PCDHA2: variants seen among roughly 807,000 people sequenced by gnomAD.
The protein encoded by PCDHA2 is protocadherin alpha-2.
A neutral mutation model predicts 66.0 loss-of-function variants in PCDHA2; 58 were observed. The observed-to-expected ratio is 0.88, with a 90% confidence interval of 0.71 to 1.09. PCDHA2 has a LOEUF of 1.09. PCDHA2 is among the 50% of genes least tolerant of loss of function. The probability of loss-of-function intolerance (pLI) is 0.00; values close to 1 mark genes in which losing one functional copy is unlikely to be tolerated. For synonymous variants in PCDHA2, 634 were observed against 554.0 expected (o/e 1.14, Z -2.03); for missense variants, 1,267 against 1,242.3 (o/e 1.02, Z -0.30).
At chr5:140,860,617 A>G (rs2046479685) in intron 1 of PCDHA2, 1 of 152,238 alleles carries the variant, frequency 6.6e-6, no homozygotes, top group Non-Finnish European at 1.5e-5. Context: ...GAGAAACATA[A>G]ACATATGCAG....
chr5:140,980,044 T>G (rs1249451662), intron 2 of PCDHA2, among the ~76,000 whole-genome samples: 11 of 152,258 alleles, frequency 7.2e-5, no homozygotes, highest in Non-Finnish European at 1.5e-4. Flanking sequence ...GGGTGCTATT[T>G]CTGATTCAGA....
intron 1 of PCDHA2, among the ~76,000 whole-genome samples, chr5:140,893,950 T>A (rs1244558882): frequency 6.6e-6 from 1 of 152,206 alleles, no homozygotes; most frequent in Non-Finnish European, 1.5e-5. Flanking sequence ...TCTGCATGAC[T>A]TTATTAGTCA....
chr5:140,870,919 C>T (rs1562653740), intron 1 of PCDHA2: 1 of 1,613,952 alleles, frequency 6.2e-7, no homozygotes, highest in Non-Finnish European at 8.5e-7. Context: ...CAACGCGTGG[C>T]TTTCATATGA....
intron 1 of PCDHA2, among the ~76,000 whole-genome samples, chr5:140,920,858 A>G (rs1182817298): frequency 6.6e-6 from 1 of 151,604 alleles, no homozygotes; most frequent in Non-Finnish European, 1.5e-5. Flanking sequence ...AAAAAAAAAA[A>G]CAAACAAACT....
At chr5:140,922,016 AT>A (rs1213488839) in intron 1 of PCDHA2, among the ~76,000 whole-genome samples, 20 of 152,076 alleles carry the variant, frequency 1.3e-4, no homozygotes, top group Admixed American at 1.2e-3. Flanking sequence ...GTTTAAAAAA[AT>A]AAATATAAAA....
chr5:140,830,188 C>T, intron 1 of PCDHA2: 1 of 1,613,672 alleles, frequency 6.2e-7, no homozygotes, highest in South Asian at 1.1e-5. Flanking sequence ...TCAACGTGTA[C>T]CTGATCATCG....
At position 140,842,935 on chromosome 5, in the gene PCDHA2, C is replaced by T. The variant is rs1329962165; in HGVS notation, c.2388+45583C>T. ...TGCTGCAGTTCCAGGTGAGCGCGCG[C>T]GACGCGGGCGTGCCGCCTCTGGGCA... On this transcript the variant is annotated intron_variant, in intron 1 of 3. Transcript: ENST00000526136. The T allele has an allele frequency of 3.8e-6, 6 of 1,594,442 alleles. No individual in the cohort carries two copies. In the African/African-American group the frequency reaches 8.1e-5, roughly 21 times the overall value.
intron 1 of PCDHA2, chr5:140,858,289 T>C: frequency 6.3e-7 from 1 of 1,597,184 alleles, no homozygotes; most frequent in Non-Finnish European, 8.6e-7. Flanking sequence ...GGAGCTGGTC[T>C]TACTCGCAGC....
rs367685277 is a variant in PCDHA2 at position 140,871,336 on chromosome 5, G to A, written c.2388+73984G>A. 5.0e-6 allele frequency: 8 copies of A among 1,614,062 alleles called. No homozygotes were observed. The African/African-American group carries it at 9.3e-5, about 19-fold the overall frequency. On this transcript the variant is annotated intron_variant, in intron 1 of 3. Transcript: ENST00000526136. ...CACGCTGGTGTGCTCCCGCGCGGTG[G>A]GGAGCTGGTCATACTCGCAGCAGAG...
chr5:140,942,817 T>C (rs1479369594), intron 1 of PCDHA2, among the ~76,000 whole-genome samples: 2 of 152,160 alleles, frequency 1.3e-5, no homozygotes, highest in African/African-American at 4.8e-5. Context: ...ACTAGTTGGA[T>C]TTGGCCCTGT....
At chr5:140,862,824 G>C (rs1205805230) in intron 1 of PCDHA2, 1 of 571,890 alleles carries the variant, frequency 1.7e-6, no homozygotes, top group Non-Finnish European at 3.4e-6. Flanking sequence ...AGGTGAGAGC[G>C]CGCGACGCGG....
At chr5:140,808,322 A>T in intron 1 of PCDHA2, 2 of 1,614,226 alleles carry the variant, frequency 1.2e-6, no homozygotes, top group Non-Finnish European at 1.7e-6. Context: ...CGACAAAGAC[A>T]TGGGTGTCAA....
chr5:140,897,970 G>A (rs561364842), intron 1 of PCDHA2, among the ~76,000 whole-genome samples: 10 of 152,210 alleles, frequency 6.6e-5, no homozygotes, highest in Admixed American at 2.6e-4. Context: ...TGTGTCTTTT[G>A]GCTGCATAAA....
intron 1 of PCDHA2, chr5:140,859,968 T>A (rs1262644180): frequency 6.6e-6 from 1 of 151,956 alleles, no homozygotes; most frequent in Non-Finnish European, 1.5e-5. Flanking sequence ...AAGTCTCAGG[T>A]ATACAAGTGC....
chr5:140,976,244 A>G (rs996854178), intron 1 of PCDHA2, among the ~76,000 whole-genome samples: 1 of 152,160 alleles, frequency 6.6e-6, no homozygotes, highest in Non-Finnish European at 1.5e-5. Context: ...CATTTCATGT[A>G]AATTTATTTA....
intron 1 of PCDHA2, chr5:140,829,787 C>T: frequency 6.2e-7 from 1 of 1,613,830 alleles, no homozygotes; most frequent in Non-Finnish European, 8.5e-7. Context: ...GCCGGCGCTG[C>T]TGGCGCCTCG....
chr5:140,970,647 T>C lies in PCDHA2; in HGVS notation c.2389-8302T>C, dbSNP rs529255517. Among the ~76,000 whole-genome samples, 9 of 152,352 alleles carry C rather than the reference T, an allele frequency of 5.9e-5. No homozygotes were observed. The South Asian group carries it at 1.9e-3, about 32-fold the overall frequency. On this transcript the variant is annotated intron_variant, in intron 1 of 3. Coordinates refer to ENST00000526136, the MANE Select transcript of PCDHA2 (RefSeq NM_018905.3). ...CAAAATTTTGTACCATAAATAGTGA[T>C]GAATTGTTATCTTTCCAAATAACTA...
At chr5:140,898,059 G>C (rs372963837) in intron 1 of PCDHA2, among the ~76,000 whole-genome samples, 2 of 151,948 alleles carry the variant, frequency 1.3e-5, no homozygotes, top group Non-Finnish European at 1.5e-5. Flanking sequence ...TTGTAAATTT[G>C]TTTGAGTTCA....
intron 1 of PCDHA2, chr5:140,808,501 G>A (rs781840544): frequency 1.1e-5 from 18 of 1,614,178 alleles, no homozygotes; most frequent in Middle Eastern, 1.7e-4. Context: ...TGTGGGCCAC[G>A]GCCAGTGTTT....
Sources: allele counts gnomAD v4.1 joint callset (sites outside exome capture counted in the v4.1 genomes callset), GRCh38; gene constraint gnomAD v4.1.1; transcripts MANE v1.5; gene names NCBI Gene and HGNC (gene_info 2026-07-23, HGNC 2026-07-21).